SIDT1: variants seen among roughly 807,000 people sequenced by gnomAD.
SIDT1 encodes SID1 transmembrane family, member 1.
A neutral mutation model predicts 107.5 loss-of-function variants in SIDT1; 101 were observed. The observed-to-expected ratio is 0.94, with a 90% CI of 0.80 to 1.11. SIDT1 has a LOEUF of 1.11. Ranked by LOEUF, SIDT1 falls within the 50% of genes least tolerant of loss-of-function variation. The pLI is 0.00. For synonymous variants in SIDT1, 395 were observed against 398.2 expected (o/e 0.99, Z 0.10); for missense variants, 1,076 against 1,058.2 (o/e 1.02, Z -0.23).
intron 5 of SIDT1, 29 bp downstream of exon 5, chr3:113,580,738 A>G: frequency 1.5e-6 from 2 of 1,306,072 alleles, no homozygotes; most frequent in Non-Finnish European, 1.1e-6. Flanking sequence ...CCAACCTTCT[A>G]CTATAGAGCA....
At chr3:113,548,625 T>C (rs9848190) in intron 1 of SIDT1, among the ~76,000 whole-genome samples, 14,510 of 152,114 alleles carry the variant, frequency 0.095, 923 homozygotes, top group African/African-American at 0.17. Context: ...CTGTAATTCA[T>C]TTGAAAGATA....
chr3:113,560,914 T>C (rs543027158), intron 1 of SIDT1, among the ~76,000 whole-genome samples: 2 of 152,320 alleles, frequency 1.3e-5, no homozygotes, highest in Admixed American at 6.5e-5. Flanking sequence ...CTGTGATCTA[T>C]ATAATATCAG....
intron 1 of SIDT1, among the ~76,000 whole-genome samples, chr3:113,562,532 A>G (rs1941530203): frequency 1.3e-5 from 2 of 152,248 alleles, no homozygotes; most frequent in African/African-American, 4.8e-5. Context: ...AATATTATTT[A>G]GTAATAAAAA....
intron 9 of SIDT1, 54 bp downstream of exon 9, chr3:113,585,324 G>A (rs41271363): frequency 0.23 from 299,450 of 1,300,234 alleles, 39,472 homozygotes; most frequent in East Asian, 0.61. Context: ...TCTGTGTAAC[G>A]CTTGCAGCAC....
At chr3:113,546,668 G>T (rs1939627785) in intron 1 of SIDT1, among the ~76,000 whole-genome samples, 1 of 151,146 alleles carries the variant, frequency 6.6e-6, no homozygotes, top group Non-Finnish European at 1.5e-5. Flanking sequence ...TCTTACTTTT[G>T]GTTTCAACTG....
chr3:113,609,791 C>T (rs1945611554), intron 17 of SIDT1, among the ~76,000 whole-genome samples: 1 of 152,174 alleles, frequency 6.6e-6, no homozygotes, highest in South Asian at 2.1e-4. Context: ...ATTCACCACT[C>T]AGAATGAACA....
intron 1 of SIDT1, among the ~76,000 whole-genome samples, chr3:113,557,141 A>G (rs1940967410): frequency 1.3e-5 from 2 of 152,320 alleles, no homozygotes; most frequent in South Asian, 2.1e-4. Flanking sequence ...AGCAAGGTTC[A>G]GCACATTTAT....
Position 113,543,735 on chromosome 3 carries a change from A to C in SIDT1, c.222+10492A>C, listed in dbSNP as rs545039707. ...TTCTGTAACTTTAAATTTTGAAATA[A>C]CTTCAAACTTACAAGAAAGTAAGAA... On this transcript the variant is annotated intron_variant, in intron 1 of 24. Coordinates refer to ENST00000264852, the MANE Select transcript of SIDT1 (RefSeq NM_017699.3). Among the ~76,000 whole-genome samples, 8 of 152,332 alleles carry C rather than the reference A, an allele frequency of 5.3e-5. No individual in the cohort carries two copies. In the South Asian group the frequency reaches 1.7e-3, roughly 32 times the overall value.
At chr3:113,578,293 G>C (rs1378076143) in intron 4 of SIDT1, among the ~76,000 whole-genome samples, 1 of 151,590 alleles carries the variant, frequency 6.6e-6, no homozygotes, top group African/African-American at 2.4e-5. Context: ...GTGAAACGTC[G>C]TCTCTACTAA....
intron 6 of SIDT1, among the ~76,000 whole-genome samples, chr3:113,582,492 C>T (rs947979824): frequency 6.6e-6 from 1 of 152,050 alleles, no homozygotes; most frequent in Non-Finnish European, 1.5e-5. Context: ...TCTTGGCATC[C>T]CGCATTATGT....
chr3:113,609,089 A>C lies in SIDT1; in HGVS notation c.1720+553A>C, dbSNP rs1329900956. ...TTTTTTTTTTTTTTTTTTTGACAGA[A>C]TCTGGCTCTGTCGCCCAGGCTGGAG... On this transcript the variant is annotated intron_variant, in intron 17 of 24. Coordinates refer to ENST00000264852, the MANE Select transcript of SIDT1 (RefSeq NM_017699.3). 6.3e-5 allele frequency among the ~76,000 whole-genome samples: 8 copies of C among 126,926 alleles called. No individual in the cohort carries two copies. In the Admixed American group the frequency reaches 7.4e-4, roughly 12 times the overall value. 83.3% of individuals were successfully genotyped at this position (126,926 alleles called of 152,430 possible).
chr3:113,538,341 G>GAGCT (rs1938428436), intron 1 of SIDT1, among the ~76,000 whole-genome samples: 1 of 152,214 alleles, frequency 6.6e-6, no homozygotes, highest in African/African-American at 2.4e-5. Flanking sequence ...TGTTATGGAG[G>GAGCT]AGCTGCCTTC....
chr3:113,584,682 AT>A lies in SIDT1; in HGVS notation c.836-8del, dbSNP rs140596561. 7.6e-5 allele frequency: 120 copies of A among 1,568,704 alleles called. 1 individual carries two copies. The highest frequency in any genetic ancestry group is 3.9e-4 in the Admixed American group (21 of 53,678). ...ATTCAATGTGCTTTGTTCTTTTTTTATTTTTTTTAAACCAGAAAAGGAAAAC... is the reference window on the plus strand; with the variant it reads ...ATTCAATGTGCTTTGTTCTTTTTTTATTTTTTTAAACCAGAAAAGGAAAAC... On this transcript the variant is annotated splice_polypyrimidine_tract_variant and intron_variant, in intron 7 of 24. Coordinates refer to ENST00000264852, the MANE Select transcript of SIDT1 (RefSeq NM_017699.3).
chr3:113,583,765 C>T (rs539197829), intron 7 of SIDT1, among the ~76,000 whole-genome samples: 11 of 152,210 alleles, frequency 7.2e-5, no homozygotes, highest in African/African-American at 2.4e-4. Context: ...TAAGTTCACT[C>T]GGTTGGCCCT....
chr3:113,629,621 T>G (rs956011186), downstream of SIDT1: 1 of 152,268 alleles, frequency 6.6e-6, no homozygotes. Flanking sequence ...GCACTATGGT[T>G]TCTAATCCAC....
At position 113,580,647 on chromosome 3, in the gene SIDT1, A is replaced by G. The variant is rs757531649; in HGVS notation, c.601A>G (p.Ile201Val). The change falls in exon 5 of 25, where the codon ATC becomes GTC. Residue 201 changes from isoleucine (I) to valine (V), a missense_variant. Ile to Val is a conservative substitution (Grantham distance 29). Transcript: ENST00000264852. The part of the protein sequence containing the change: ...YKFPKDVDSV[I>V]IKVVSEMAYP... ...GTTTCCCAAAGACGTGGACTCAGTT[A>G]TCATTAAAGTGGTGTCTGAAATGGC... The G allele has an allele frequency of 6.2e-7, 1 of 1,613,028 alleles. No homozygotes were observed.
intron 3 of SIDT1, among the ~76,000 whole-genome samples, chr3:113,568,817 T>C (rs1434624410): frequency 6.6e-6 from 1 of 151,656 alleles, no homozygotes; most frequent in Non-Finnish European, 1.5e-5. Flanking sequence ...CCCAACAACA[T>C]GGATACATCT....
intron 3 of SIDT1, among the ~76,000 whole-genome samples, chr3:113,574,477 T>C (rs1405089766): frequency 6.6e-6 from 1 of 152,262 alleles, no homozygotes; most frequent in Non-Finnish European, 1.5e-5. Flanking sequence ...TTAATCAAGA[T>C]GAGTAAGGTG....
intron 20 of SIDT1, among the ~76,000 whole-genome samples, chr3:113,617,520 A>C (rs1006112707): frequency 6.6e-6 from 1 of 152,192 alleles, no homozygotes; most frequent in African/African-American, 2.4e-5. Flanking sequence ...CTTTATCATC[A>C]GAATATTTTT....
Sources: allele counts gnomAD v4.1 joint callset (sites outside exome capture counted in the v4.1 genomes callset), GRCh38; gene constraint gnomAD v4.1.1; transcripts MANE v1.5; gene names NCBI Gene and HGNC (gene_info 2026-07-23, HGNC 2026-07-21).